Variants in DLGAP2 observed in about 807,000 individuals in gnomAD.
The protein encoded by DLGAP2 is DLG associated protein 2, also known as disks large-associated protein 2.
A neutral mutation model predicts 100.3 loss-of-function variants in DLGAP2; 26 were observed. The ratio of observed to expected loss-of-function variants is 0.26; its 90% CI spans 0.19 to 0.36. DLGAP2 has a LOEUF of 0.36. DLGAP2 is among the 10% of genes least tolerant of loss of function. DLGAP2 has a pLI of 1.00. For synonymous variants in DLGAP2, 886 were observed against 630.1 expected (o/e 1.41, Z -6.08); for missense variants, 1,858 against 1,453.2 (o/e 1.28, Z -4.53).
At chr8:767,941 G>T (rs1190148472) in intron 1 of DLGAP2, among the ~76,000 whole-genome samples, 1 of 152,294 alleles carries the variant, frequency 6.6e-6, no homozygotes, top group South Asian at 2.1e-4. Flanking sequence ...CATTTAAGCT[G>T]TTTTTTACAA....
In DLGAP2 at chr8:1,639,168, G is replaced by A. The variant is rs141799656; in HGVS notation, c.1810+6122G>A. Among the ~76,000 whole-genome samples the A allele has an allele frequency of 6.9e-4, 105 of 152,160 alleles. 3 individuals carry two copies. In the East Asian group the frequency reaches 0.016, roughly 23 times the overall value. On this transcript the variant is annotated intron_variant, in intron 8 of 14. Transcript: ENST00000637795. ...GTGTGGAGGTCGAGGCTGGAGGTGC[G>A]GTCCAGAGCCATGGAGCCACCCCCG...
intron 1 of DLGAP2, among the ~76,000 whole-genome samples, chr8:904,737 T>C (rs770914865): frequency 3.9e-5 from 6 of 152,132 alleles, no homozygotes; most frequent in Non-Finnish European, 8.8e-5. Context: ...CCGCTGAGTA[T>C]ATTTTGTGGC....
intron 6 of DLGAP2, among the ~76,000 whole-genome samples, chr8:1,581,134 A>G (rs1407247072): frequency 1.3e-5 from 2 of 151,808 alleles, no homozygotes; most frequent in East Asian, 3.9e-4. Flanking sequence ...CCACACATCT[A>G]CACACCACAG....
chr8:985,240 C>T (rs1414106889), intron 2 of DLGAP2, among the ~76,000 whole-genome samples: 4 of 152,206 alleles, frequency 2.6e-5, no homozygotes, highest in Non-Finnish European at 4.4e-5. Flanking sequence ...AGGCCTGGCT[C>T]AGCTCTCCAC....
intron 1 of DLGAP2, among the ~76,000 whole-genome samples, chr8:839,758 C>T (rs532302516): frequency 7.9e-5 from 12 of 152,346 alleles, no homozygotes; most frequent in African/African-American, 2.9e-4. Context: ...TGTTTATTCA[C>T]CGTTTCATCA....
intron 2 of DLGAP2, among the ~76,000 whole-genome samples, chr8:1,037,750 G>A (rs973878104): frequency 3.3e-5 from 5 of 152,190 alleles, no homozygotes; most frequent in Admixed American, 2.6e-4. Flanking sequence ...GCTTTGGGCC[G>A]TTAAAATATC....
At chr8:1,380,037 G>A (rs535258130) in intron 3 of DLGAP2, 1 of 152,462 alleles carries the variant, frequency 6.6e-6, no homozygotes, top group South Asian at 2.1e-4. Context: ...CCCTGGTCAG[G>A]AGATGCCTGC....
At chr8:1,351,603 C>CT (rs1387863188) in intron 3 of DLGAP2, among the ~76,000 whole-genome samples, 33 of 36,778 alleles carry the variant, frequency 9.0e-4, no homozygotes, top group East Asian at 2.7e-3. Context: ...GCGCGTCCTG[C>CT]GTGTGGCGTG....
chr8:1,311,857 C>G (rs1371149750), intron 3 of DLGAP2, among the ~76,000 whole-genome samples: 1 of 152,182 alleles, frequency 6.6e-6, no homozygotes, highest in African/African-American at 2.4e-5. Context: ...CACAGCAATC[C>G]TTAATGTATA....
intron 1 of DLGAP2, among the ~76,000 whole-genome samples, chr8:740,943 C>T (rs1314142292): frequency 1.3e-5 from 2 of 152,084 alleles, no homozygotes; most frequent in Non-Finnish European, 2.9e-5. Flanking sequence ...AGATGGGAGT[C>T]ATATTTAGAG....
chr8:1,071,440 C>G (rs1029182837), intron 2 of DLGAP2, among the ~76,000 whole-genome samples: 1 of 152,144 alleles, frequency 6.6e-6, no homozygotes, highest in South Asian at 2.1e-4. Context: ...GCTGTGCTAG[C>G]CTAGGCTGGG....
intron 8 of DLGAP2, among the ~76,000 whole-genome samples, chr8:1,663,626 T>G (rs61159363): frequency 6.6e-6 from 1 of 151,974 alleles, no homozygotes; most frequent in East Asian, 1.9e-4. Context: ...CCCCTTTCCC[T>G]TGCGCCCTGA....
chr8:1,196,398 A>G (rs990010919), intron 2 of DLGAP2, among the ~76,000 whole-genome samples: 2 of 152,106 alleles, frequency 1.3e-5, no homozygotes, highest in African/African-American at 4.8e-5. Flanking sequence ...AACACAGGGG[A>G]GAAGCCAGAT....
intron 5 of DLGAP2, among the ~76,000 whole-genome samples, chr8:1,553,032 T>C (rs1801823883): frequency 6.6e-6 from 1 of 152,186 alleles, no homozygotes; most frequent in Non-Finnish European, 1.5e-5. Context: ...AGGCTCTCTA[T>C]GCCACAGTCC....
At chr8:1,562,656 G>T (rs1802216733) in intron 5 of DLGAP2, among the ~76,000 whole-genome samples, 1 of 63,288 alleles carries the variant, frequency 1.6e-5, no homozygotes, top group East Asian at 5.2e-4. Flanking sequence ...GTTGCTGGGG[G>T]ACTGTGTGGT....
rs557029625 is a variant in DLGAP2 at position 1,042,573 on chromosome 8, A to G, written c.73+134607A>G. The stretch of plus-strand genomic sequence containing the variant: ...AAGCACCGCCGGTATTGAGTGATGC[A>G]TTCAGCATGTGAGGTCACAGACCAG... On this transcript the variant is annotated intron_variant, in intron 2 of 14. Coordinates refer to ENST00000637795, the MANE Select transcript of DLGAP2 (RefSeq NM_001346810.2). Among the ~76,000 whole-genome samples, 5 of 152,324 alleles carry G rather than the reference A, an allele frequency of 3.3e-5. No individual in the cohort carries two copies. The South Asian group carries it at 1.0e-3, about 32-fold the overall frequency.
At chr8:837,121 C>G (rs1360378590) in intron 1 of DLGAP2, among the ~76,000 whole-genome samples, 1 of 152,254 alleles carries the variant, frequency 6.6e-6, no homozygotes. Flanking sequence ...TCTCCATGTT[C>G]CCATCTGTGA....
intron 3 of DLGAP2, among the ~76,000 whole-genome samples, chr8:1,303,225 G>T (rs1369382419): frequency 1.3e-5 from 2 of 152,052 alleles, no homozygotes; most frequent in African/African-American, 2.4e-5. Flanking sequence ...GTGAAACCCC[G>T]TCTCTACTAA....
At chr8:1,432,026 A>G (rs1417046131) in intron 3 of DLGAP2, among the ~76,000 whole-genome samples, 3 of 149,720 alleles carry the variant, frequency 2.0e-5, no homozygotes, top group Non-Finnish European at 4.4e-5. Context: ...CAGCACCGCT[A>G]CGGCTGCCAT....
Sources: gnomAD v4.1 joint callset for allele counts (sites outside exome capture counted in the v4.1 genomes callset) on GRCh38, gnomAD v4.1.1 for gene constraint, MANE v1.5 for transcripts, NCBI Gene and HGNC (gene_info 2026-07-23, HGNC 2026-07-21) for gene names.